The following INTS5 variants were observed in gnomAD, a reference collection of about 807,000 sequenced individuals.
INTS5 encodes the protein KIAA1698.
Under a neutral mutation model 60.0 loss-of-function variants are expected in INTS5, and 29 were observed. The ratio of observed to expected loss-of-function variants is 0.48; its 90% CI spans 0.36 to 0.66. The LOEUF is 0.66. Ranked by LOEUF, INTS5 falls within the 30% of genes least tolerant of loss-of-function variation. The pLI is 0.00. For synonymous variants in INTS5, 588 were observed against 558.8 expected (o/e 1.05, Z -0.74); for missense variants, 1,129 against 1,307.9 (o/e 0.86, Z 2.11).
In INTS5 at chr11:62,649,041, T is replaced by C; in HGVS notation, c.1039A>G (p.Met347Val). The change falls in exon 2 of 2, where the codon ATG (methionine) becomes GTG (valine). Residue 347 changes from methionine (M) to valine (V), a missense_variant. Met to Val is a conservative substitution (Grantham distance 21). Transcript: ENST00000330574. The surrounding 1 kb of genome is among the most constrained non-coding windows in gnomAD (Gnocchi z 6.0). ...TVPFLLQLAV[M>V]SPALLGTVSG... ...ACAGTGCCCAGCAAAGCTGGTGACA[T>C]GACTGCCAGCTGCAGTAGGAACGGA... The C allele has an allele frequency of 6.2e-7, 1 of 1,612,270 alleles. No individual in the cohort carries two copies. The highest frequency in any genetic ancestry group is 8.5e-7 in the Non-Finnish European group (1 of 1,178,796).
In INTS5 at chr11:62,649,457, C is replaced by T; in HGVS notation, c.623G>A (p.Cys208Tyr). 6.2e-7 allele frequency: 1 copy of T among 1,614,226 alleles called. No individual in the cohort carries two copies. Among genetic ancestry groups the T allele is most frequent in the Non-Finnish European group, 8.5e-7 (1 of 1,180,044 alleles). The change falls in exon 2 of 2, where the codon TGT becomes TAT. Residue 208 changes from cysteine (C) to tyrosine (Y), a missense_variant. Transcript: ENST00000330574. This position sits in a 1 kb window ranked among gnomAD's most constrained non-coding sequence, Gnocchi z 6.0. ...AGAGGTATCCAGCAAGGCATCCACA[C>T]ACGCATCTGGGCAGCTACCAATGAG... ...SALIGSCPDA[C>Y]VDALLDTSVQ...
In INTS5 at chr11:62,648,362, C is replaced by T. The variant is rs763874581; in HGVS notation, c.1718G>A (p.Arg573Gln). The T allele has an allele frequency of 1.2e-5, 20 of 1,613,912 alleles. No homozygotes were observed. The highest frequency in any genetic ancestry group is 1.1e-4 in the South Asian group (10 of 91,092). The change falls in exon 2 of 2, where the codon CGG (arginine) becomes CAG (glutamine). Residue 573 changes from arginine to glutamine, a missense_variant. By Grantham distance (43) the Arg-to-Gln change is conservative (BLOSUM62 1). Coordinates refer to ENST00000330574, the MANE Select transcript of INTS5 (RefSeq NM_030628.2). The surrounding 1 kb of genome is among the most constrained non-coding windows in gnomAD (Gnocchi z 4.4). ...TAGCAGTGCCAAGTTGCGCAGGAAC[C>T]GGGCCGTGAAGGGAGGCTGTAATGT... ...AGTLQPPFTA[R>Q]FLRNLALLVG...
rs764342247 is a variant in INTS5 at position 62,647,702 on chromosome 11, G to C, written c.2378C>G (p.Thr793Ser). Residue 793 changes from threonine (T) to serine (S), a missense_variant, in exon 2 of 2, where the codon ACT (threonine) becomes AGT (serine). Transcript: ENST00000330574. ...LVHCCSAPGG[T>S]ECGECWGAPI... ...TGCCCCCCAGCATTCCCCACATTCA[G>C]TGCCCCCTGGGGCACTGCAGCAGTG... 2.4e-5 allele frequency: 38 copies of C among 1,614,052 alleles called. No individual in the cohort carries two copies. The highest frequency in any genetic ancestry group is 3.2e-5 in the Non-Finnish European group (38 of 1,180,048).
chr11:62,648,703 T>C lies in INTS5; in HGVS notation c.1377A>G (p.Glu459=), dbSNP rs2134580836. Residue 459 remains glutamate, a synonymous_variant, in exon 2 of 2, where the codon GAA becomes GAG. Coordinates refer to ENST00000330574, the MANE Select transcript of INTS5 (RefSeq NM_030628.2). This position sits in a 1 kb window ranked among gnomAD's most constrained non-coding sequence, Gnocchi z 4.4. The part of the protein sequence containing the change: ...LVHHRGGSPG[E]GVLGPPPPPR... The stretch of plus-strand genomic sequence containing the variant: ...GAGGTGGGGGCGGGCCTAGCACCCC[T>C]TCCCCAGGAGACCCTCCCCGGTGAT... The C allele has an allele frequency of 6.2e-7, 1 of 1,614,100 alleles. No individual in the cohort carries two copies. The highest frequency in any genetic ancestry group is 1.1e-5 in the South Asian group (1 of 91,084).
At position 62,653,302 on chromosome 11, in the gene INTS5, T is replaced by A; in HGVS notation, c.-53A>T. The A allele has an allele frequency of 8.4e-7, 1 of 1,195,220 alleles. No homozygotes were observed. The highest frequency in any genetic ancestry group is 1.1e-6 in the Non-Finnish European group (1 of 947,226). The allele number at this position is 1,195,220 out of a possible 1,614,324, so 74.0% of individuals were successfully genotyped here. ...CGAGCGGCGGAGCGCAGGCGGCGCATGCGCGCTGACAGGAAACGCGAAAGG... is the reference window on the plus strand; with the variant it reads ...CGAGCGGCGGAGCGCAGGCGGCGCAAGCGCGCTGACAGGAAACGCGAAAGG... On this transcript the variant is annotated 5_prime_UTR_variant, in exon 1 of 2. It removes an upstream start codon present in the reference 5' UTR. Coordinates refer to ENST00000330574, the MANE Select transcript of INTS5 (RefSeq NM_030628.2).
Position 62,653,228 on chromosome 11 carries a change from G to A in INTS5, c.22C>T (p.Pro8Ser), listed in dbSNP as rs934307154. Residue 8 changes from proline to serine, a missense_variant, in exon 1 of 2, where the codon CCC becomes TCC. Pro to Ser is a moderately conservative substitution (Grantham distance 74). This residue lies in a region of INTS5 where 54 missense variants were observed against 43.1 expected (regional missense o/e 1.25). Coordinates refer to ENST00000330574, the MANE Select transcript of INTS5 (RefSeq NM_030628.2). MSALCDP[P>S]GAPGPPGPAP... ...GGCCCAGGTGGCCCTGGGGCCCCGG[G>A]AGGGTCGCACAGCGCGGACATCCCG... The A allele has an allele frequency of 6.8e-5, 85 of 1,246,040 alleles. No homozygotes were observed. Among genetic ancestry groups the A allele is most frequent in the Non-Finnish European group, 8.2e-5 (81 of 987,680 alleles). 77.2% of individuals were successfully genotyped at this position (1,246,040 alleles called of 1,614,324 possible).
chr11:62,650,415 C>T (rs577277791), intron 1 of INTS5, among the ~76,000 whole-genome samples: 2 of 150,912 alleles, frequency 1.3e-5, no homozygotes, highest in East Asian at 3.9e-4. Flanking sequence ...CGCGCCCGGC[C>T]TTTGTTTTGT....
At position 62,648,083 on chromosome 11, in the gene INTS5, C is replaced by G; in HGVS notation, c.1997G>C (p.Gly666Ala). 6.2e-7 allele frequency: 1 copy of G among 1,614,110 alleles called. No homozygotes were observed. Residue 666 changes from glycine to alanine, a missense_variant, in exon 2 of 2, where the codon GGT becomes GCT. By Grantham distance (60) the Gly-to-Ala change is moderately conservative. This residue lies in a region of INTS5 where 1,070 missense variants were observed against 1,246.1 expected (regional missense o/e 0.86). Transcript: ENST00000330574. The surrounding 1 kb of genome is among the most constrained non-coding windows in gnomAD (Gnocchi z 4.4). Reference sequence around the variant, plus strand: ...GAGAAGCTGACAGGCTGAGGCCACACCTGGGGGTCCATGCAGCCTCAGAGA... The same window carrying G: ...GAGAAGCTGACAGGCTGAGGCCACAGCTGGGGGTCCATGCAGCCTCAGAGA... ...FASLRLHGPP[G>A]VASACQLLTR... is the part of the protein sequence containing the mutation.
rs1049860625 is a variant in INTS5, at chr11:62,649,984, G to A, written c.96C>T (p.Ser32=). The change falls in exon 2 of 2, where the codon TCC becomes TCT. Residue 32 remains serine (S), a synonymous_variant. Coordinates refer to ENST00000330574, the MANE Select transcript of INTS5 (RefSeq NM_030628.2). The surrounding 1 kb of genome is among the most constrained non-coding windows in gnomAD (Gnocchi z 6.0). ...GPAPLSAQEL[S]QEIKAFLTGV... Reference sequence around the variant, plus strand: ...CAGTCAGAAAAGCCTTGATTTCCTGGGACAGCTCCTGAGCACTACAAGGAA... The same window carrying A: ...CAGTCAGAAAAGCCTTGATTTCCTGAGACAGCTCCTGAGCACTACAAGGAA... The A allele has an allele frequency of 5.6e-6, 9 of 1,613,972 alleles. No individual in the cohort carries two copies. The highest frequency in any genetic ancestry group is 1.6e-4 in the Middle Eastern group (1 of 6,062).
Position 62,648,053 on chromosome 11 carries a change from C to A in INTS5, c.2027G>T (p.Arg676Leu), listed in dbSNP as rs766297241. Residue 676 changes from arginine (R) to leucine (L), a missense_variant, in exon 2 of 2, where the codon CGC (arginine) becomes CTC (leucine). By Grantham distance (102) the Arg-to-Leu change is moderately radical. Transcript: ENST00000330574. The surrounding 1 kb of genome is among the most constrained non-coding windows in gnomAD (Gnocchi z 4.4). Reference sequence around the variant, plus strand: ...CCCAGCTGGGGATGTCTGAGACAGGCGGGTGAGAAGCTGACAGGCTGAGGC... The same window carrying A: ...CCCAGCTGGGGATGTCTGAGACAGGAGGGTGAGAAGCTGACAGGCTGAGGC... ...GVASACQLLT[R>L]LSQTSPAGLK... is the part of the protein sequence containing the mutation. 6.2e-7 allele frequency: 1 copy of A among 1,614,098 alleles called. No homozygotes were observed. The highest frequency in any genetic ancestry group is 8.5e-7 in the Non-Finnish European group (1 of 1,179,990).
intron 1 of INTS5, among the ~76,000 whole-genome samples, chr11:62,651,234 C>T (rs1455157891): frequency 6.6e-6 from 1 of 152,138 alleles, no homozygotes; most frequent in Non-Finnish European, 1.5e-5. Flanking sequence ...CCTCAGCCTC[C>T]TGAGTAGCTG....
intron 1 of INTS5, among the ~76,000 whole-genome samples, chr11:62,650,792 C>T (rs1944587325): frequency 6.6e-6 from 1 of 152,078 alleles, no homozygotes. Context: ...ACTGCAGTCT[C>T]GAACTCCCAG....
In INTS5 at chr11:62,646,898, A is replaced by G. The variant is rs1159212780; in HGVS notation, c.*122T>C. On this transcript the variant is annotated 3_prime_UTR_variant, in exon 2 of 2. Coordinates refer to ENST00000330574, the MANE Select transcript of INTS5 (RefSeq NM_030628.2). ...ATTTAGAAAAAAAAAAGTGGGAGAG[A>G]AAAAAGTGACAGCGCTCTTTAGACC... The G allele has an allele frequency of 1.1e-6, 1 of 909,222 alleles. No individual in the cohort carries two copies. Among genetic ancestry groups the G allele is most frequent in the Non-Finnish European group, 1.7e-6 (1 of 602,266 alleles). The allele number at this position is 909,222 out of a possible 1,614,324, so 56.3% of individuals were successfully genotyped here.
At position 62,648,057 on chromosome 11, in the gene INTS5, T is replaced by C. The variant is rs765208837; in HGVS notation, c.2023A>G (p.Thr675Ala). 1 of 1,613,310 alleles carries C rather than the reference T, an allele frequency of 6.2e-7. No homozygotes were observed. The highest frequency in any genetic ancestry group is 1.7e-5 in the Admixed American group (1 of 59,948). The change falls in exon 2 of 2, where the codon ACC becomes GCC. Residue 675 changes from threonine to alanine, a missense_variant. Coordinates refer to ENST00000330574, the MANE Select transcript of INTS5 (RefSeq NM_030628.2). This position sits in a 1 kb window ranked among gnomAD's most constrained non-coding sequence, Gnocchi z 4.4. Reference protein sequence around the residue: ...PGVASACQLLTRLSQTSPAGL... With the variant: ...PGVASACQLLARLSQTSPAGL... ...GCTGGGGATGTCTGAGACAGGCGGG[T>C]GAGAAGCTGACAGGCTGAGGCCACA...
chr11:62,649,758 G>A lies in INTS5; in HGVS notation c.322C>T (p.Pro108Ser). Reference sequence around the variant, plus strand: ...GGTCCACCAGCAGGGACATGAGAGGGTGGAGGTGGACGGAGGTGAGGTGGA... The same window carrying A: ...GGTCCACCAGCAGGGACATGAGAGGATGGAGGTGGACGGAGGTGAGGTGGA... ...AGPPHLRPPP[P>S]SHVPAGGPGL... is the part of the protein sequence containing the mutation. The change falls in exon 2 of 2, where the codon CCC (proline) becomes TCC (serine). Residue 108 changes from proline (P) to serine (S), a missense_variant. By Grantham distance (74) the Pro-to-Ser change is moderately conservative. This residue lies in a region of INTS5 where 1,070 missense variants were observed against 1,246.1 expected (regional missense o/e 0.86). Coordinates refer to ENST00000330574, the MANE Select transcript of INTS5 (RefSeq NM_030628.2). This position sits in a 1 kb window ranked among gnomAD's most constrained non-coding sequence, Gnocchi z 6.0. 1.2e-6 allele frequency: 2 copies of A among 1,614,246 alleles called. No homozygotes were observed. Among genetic ancestry groups the A allele is most frequent in the African/African-American group, 1.3e-5 (1 of 75,064 alleles).
chr11:62,649,522 C>T lies in INTS5; in HGVS notation c.558G>A (p.Thr186=), dbSNP rs148961128. Residue 186 remains threonine, a synonymous_variant, in exon 2 of 2, where the codon ACG becomes ACA. Coordinates refer to ENST00000330574, the MANE Select transcript of INTS5 (RefSeq NM_030628.2). The surrounding 1 kb of genome is among the most constrained non-coding windows in gnomAD (Gnocchi z 6.0). ...GCACATAGATGTCCATTAATGTACG[C>T]GTGGCCCTACAACCCATCCACAGCT... is the stretch of plus-strand genomic sequence containing the variant. ...LLQLWMGCRA[T]RTLMDIYVQC... 1.7e-4 allele frequency: 268 copies of T among 1,614,076 alleles called. No individual in the cohort carries two copies. The highest frequency in any genetic ancestry group is 8.7e-4 in the African/African-American group (65 of 74,932).
chr11:62,651,929 A>G (rs1264756907), intron 1 of INTS5, among the ~76,000 whole-genome samples: 1 of 152,292 alleles, frequency 6.6e-6, no homozygotes, highest in East Asian at 1.9e-4. Flanking sequence ...GCTCTTCAAC[A>G]CTGTATCCAC....
chr11:62,647,478 G>T lies in INTS5; in HGVS notation c.2602C>A (p.Pro868Thr). The T allele has an allele frequency of 6.2e-7, 1 of 1,604,940 alleles. No homozygotes were observed. The change falls in exon 2 of 2, where the codon CCC (proline) becomes ACC (threonine). Residue 868 changes from proline (P) to threonine (T), a missense_variant. By Grantham distance (38) the Pro-to-Thr change is conservative (BLOSUM62 -1). Around this residue, in one of 3 missense-constraint regions of INTS5, gnomAD observed 1,070 missense variants for 1,246.1 expected, o/e 0.86. Coordinates refer to ENST00000330574, the MANE Select transcript of INTS5 (RefSeq NM_030628.2). The stretch of plus-strand genomic sequence containing the variant: ...ACGGAACAGTAGCACAGGGCTGGGG[G>T]TGCAGCTGCTACCAGCTTTAACAGC... ...FELLKLVAAA[P>T]PALCYCSVLL...
At position 62,649,215 on chromosome 11, in the gene INTS5, G is replaced by A. The variant is rs1196199785; in HGVS notation, c.865C>T (p.Pro289Ser). The A allele has an allele frequency of 6.2e-7, 1 of 1,613,878 alleles. No homozygotes were observed. The highest frequency in any genetic ancestry group is 1.1e-5 in the South Asian group (1 of 91,082). Residue 289 changes from proline (P) to serine (S), a missense_variant, in exon 2 of 2, where the codon CCC becomes TCC. This residue lies in a region of INTS5 where 1,070 missense variants were observed against 1,246.1 expected (regional missense o/e 0.86). Transcript: ENST00000330574. The surrounding 1 kb of genome is among the most constrained non-coding windows in gnomAD (Gnocchi z 6.0). ...SPAIPAEKRV[P>S]KIASVVGILG... Reference sequence around the variant, plus strand: ...ATGCCTACAACTGAGGCAATCTTGGGCACCCGTTTCTCCGCAGGAATGGCA... The same window carrying A: ...ATGCCTACAACTGAGGCAATCTTGGACACCCGTTTCTCCGCAGGAATGGCA...
Sources: gnomAD v4.1 joint callset for allele counts (sites outside exome capture counted in the v4.1 genomes callset) on GRCh38, gnomAD v4.1.1 for gene constraint, gnomAD v4.1.1 regional missense constraint, Gnocchi (gnomAD v3.1) non-coding constraint, MANE v1.5 for transcripts, NCBI Gene and HGNC (gene_info 2026-07-23, HGNC 2026-07-21) for gene names.